The following IKZF1 variants were observed in gnomAD, a reference collection of about 807,000 sequenced individuals.
IKZF1 encodes the protein IKAROS family zinc finger 1, also known as DNA-binding protein Ikaros.
Under a neutral mutation model 51.7 loss-of-function variants are expected in IKZF1, and 10 were observed. The ratio of observed to expected loss-of-function variants is 0.19; its 90% CI spans 0.12 to 0.33. The LOEUF is 0.33. Among genes scored for constraint, IKZF1 ranks in the 10% least tolerant of loss-of-function variants. IKZF1 has a pLI of 1.00. For missense variants in IKZF1, 484 were observed against 707.5 expected (o/e 0.68, Z 3.58); for synonymous variants, 280 against 282.3 (o/e 0.99, Z 0.08).
intron 7 of IKZF1, among the ~76,000 whole-genome samples, chr7:50,398,765 G>A (rs1817363499): frequency 6.6e-6 from 1 of 152,184 alleles, no homozygotes; most frequent in Non-Finnish European, 1.5e-5. Context: ...GACATTCCAA[G>A]GATGGGCTCA....
At position 50,403,678 on chromosome 7, in the gene IKZF1, C is replaced by T. The variant is rs1258808448; in HGVS notation, c.*3051C>T. The T allele has an allele frequency of 4.4e-6, 1 of 228,664 alleles. No individual in the cohort carries two copies. The allele number at this position is 228,664 out of a possible 1,614,324, so 14.2% of individuals were successfully genotyped here. Reference sequence around the variant, plus strand: ...ATCAGCAAAGGGTAAAGTCCTAGCACCAATTGCTTCACATACCAGCATGTT... The same window carrying T: ...ATCAGCAAAGGGTAAAGTCCTAGCATCAATTGCTTCACATACCAGCATGTT... On this transcript the variant is annotated 3_prime_UTR_variant, in exon 8 of 8. Transcript: ENST00000331340.
At chr7:50,385,839 T>G (rs1182668724) in intron 5 of IKZF1, among the ~76,000 whole-genome samples, 2 of 152,216 alleles carry the variant, frequency 1.3e-5, no homozygotes, top group Non-Finnish European at 2.9e-5. Flanking sequence ...CAACATTATT[T>G]CCTTATGTTG....
chr7:50,358,167 A>T (rs971524915), intron 3 of IKZF1, among the ~76,000 whole-genome samples: 8 of 152,186 alleles, frequency 5.3e-5, no homozygotes, highest in African/African-American at 1.7e-4. Context: ...TTTCCTGGTA[A>T]ATGGTTGTTG....
intron 5 of IKZF1, among the ~76,000 whole-genome samples, chr7:50,386,686 C>T (rs1318929186): frequency 6.6e-6 from 1 of 151,124 alleles, no homozygotes; most frequent in African/African-American, 2.4e-5. Context: ...ATAGAAAATA[C>T]AAAATATTTT....
chr7:50,303,847 C>A (rs942843052), upstream of IKZF1, among the ~76,000 whole-genome samples: 1 of 149,120 alleles, frequency 6.7e-6, no homozygotes, highest in East Asian at 2.0e-4. This position sits in a 1 kb window ranked among gnomAD's most constrained non-coding sequence, Gnocchi z 4.7. Flanking sequence ...CCCCCTCCCC[C>A]TCCTGGCGGC....
intron 3 of IKZF1, among the ~76,000 whole-genome samples, chr7:50,355,454 A>G (rs1251774830): frequency 6.6e-6 from 1 of 152,118 alleles, no homozygotes; most frequent in Non-Finnish European, 1.5e-5. Flanking sequence ...AGAGCACAAG[A>G]GAGTCCTGGC....
In IKZF1 at chr7:50,402,939, C is replaced by G. The variant is rs1411053739; in HGVS notation, c.*2312C>G. 8.8e-6 allele frequency: 2 copies of G among 228,432 alleles called. No individual in the cohort carries two copies. The highest frequency in any genetic ancestry group is 4.4e-5 in the African/African-American group (2 of 45,034). The allele number at this position is 228,432 out of a possible 1,614,324, so 14.2% of individuals were successfully genotyped here. A position where few individuals can be genotyped will look rare whatever the true frequency, so the allele number is the denominator to read the frequency against. ...TTAATATCTCTAAGGTGAGAGCCTT[C>G]TTAGAGTCAGTTTGTTGCAAATTTC... is the stretch of plus-strand genomic sequence containing the variant. On this transcript the variant is annotated 3_prime_UTR_variant, in exon 8 of 8. Coordinates refer to ENST00000331340, the MANE Select transcript of IKZF1 (RefSeq NM_006060.6).
At chr7:50,344,568 A>G (rs904971989) in intron 3 of IKZF1, among the ~76,000 whole-genome samples, 4 of 152,258 alleles carry the variant, frequency 2.6e-5, no homozygotes, top group Admixed American at 6.5e-5. Flanking sequence ...ACTCCTCTGC[A>G]TCAGTGCTAA....
intron 1 of IKZF1, among the ~76,000 whole-genome samples, chr7:50,312,402 T>C (rs1372011297): frequency 6.6e-6 from 1 of 152,192 alleles, no homozygotes. Flanking sequence ...CAATACAATA[T>C]GCCTGTAACG....
At position 50,402,940 on chromosome 7, in the gene IKZF1, T is replaced by C. The variant is rs1818397434; in HGVS notation, c.*2313T>C. On this transcript the variant is annotated 3_prime_UTR_variant, in exon 8 of 8. Coordinates refer to ENST00000331340, the MANE Select transcript of IKZF1 (RefSeq NM_006060.6). ...TAATATCTCTAAGGTGAGAGCCTTC[T>C]TAGAGTCAGTTTGTTGCAAATTTCA... is the stretch of plus-strand genomic sequence containing the variant. The C allele has an allele frequency of 1.3e-5, 3 of 228,920 alleles. No individual in the cohort carries two copies. In the Admixed American group the frequency reaches 1.7e-4, roughly 13 times the overall value. 14.2% of individuals were successfully genotyped at this position (228,920 alleles called of 1,614,324 possible). A position where few individuals can be genotyped will look rare whatever the true frequency, so the allele number is the denominator to read the frequency against.
chr7:50,344,652 G>T (rs1799905083), intron 3 of IKZF1, among the ~76,000 whole-genome samples: 1 of 152,196 alleles, frequency 6.6e-6, no homozygotes, highest in South Asian at 2.1e-4. Context: ...CAAGTTCCTT[G>T]CAGGCAGGTA....
At chr7:50,352,280 A>T (rs1296656260) in intron 3 of IKZF1, among the ~76,000 whole-genome samples, 2 of 152,168 alleles carry the variant, frequency 1.3e-5, no homozygotes, top group African/African-American at 2.4e-5. Context: ...ATCTGCTTGG[A>T]TAGTATTATC....
chr7:50,326,223 T>C (rs1346746854), intron 2 of IKZF1, among the ~76,000 whole-genome samples: 1 of 152,242 alleles, frequency 6.6e-6, no homozygotes, highest in Non-Finnish European at 1.5e-5. Flanking sequence ...TTTCACACAA[T>C]ACCTAGTCAT....
chr7:50,312,642 A>T (rs1383301289), intron 1 of IKZF1, among the ~76,000 whole-genome samples: 2 of 152,272 alleles, frequency 1.3e-5, no homozygotes, highest in Non-Finnish European at 2.9e-5. Context: ...CTTTACCAAG[A>T]AAACATTCAA....
chr7:50,389,055 AGCT>A (rs1814246117), intron 6 of IKZF1, among the ~76,000 whole-genome samples: 5 of 152,378 alleles, frequency 3.3e-5, no homozygotes, highest in African/African-American at 1.2e-4. Context: ...TAAAGAAACA[AGCT>A]GCAGTACACA....
intron 3 of IKZF1, among the ~76,000 whole-genome samples, chr7:50,375,471 A>G (rs539376589): frequency 4.7e-4 from 71 of 152,320 alleles, no homozygotes; most frequent in South Asian, 2.3e-3. Flanking sequence ...AAAAATGGTT[A>G]TTAAAATGGT....
intron 4 of IKZF1, among the ~76,000 whole-genome samples, chr7:50,381,429 G>A (rs940483253): frequency 3.3e-5 from 5 of 152,176 alleles, no homozygotes; most frequent in African/African-American, 4.8e-5. Context: ...TTACTTAAAC[G>A]TGACAAATGT....
intron 3 of IKZF1, among the ~76,000 whole-genome samples, chr7:50,347,502 C>A (rs878986707): frequency 1.3e-5 from 2 of 152,084 alleles, no homozygotes; most frequent in African/African-American, 4.8e-5. Flanking sequence ...TTGCGAGTTG[C>A]CTAAAGTGGG....
intron 3 of IKZF1, among the ~76,000 whole-genome samples, chr7:50,363,459 G>A (rs889218605): frequency 1.3e-5 from 2 of 152,072 alleles, no homozygotes; most frequent in African/African-American, 4.8e-5. Flanking sequence ...TGCAGGACAG[G>A]CGGTGAAACG....
Sources: allele counts gnomAD v4.1 joint callset (sites outside exome capture counted in the v4.1 genomes callset), GRCh38; gene constraint gnomAD v4.1.1; non-coding constraint Gnocchi (gnomAD v3.1); transcripts MANE v1.5; gene names NCBI Gene and HGNC (gene_info 2026-07-23, HGNC 2026-07-21).